PRR16: variants seen among roughly 807,000 people sequenced by gnomAD.
PRR16 encodes proline rich 16, also known as protein Largen.
PRR16 carries 6 observed loss-of-function variants against 18.2 expected under a neutral mutation model. The ratio of observed to expected loss-of-function variants is 0.33; its 90% confidence interval spans 0.18 to 0.65. The LOEUF (loss-of-function observed/expected upper bound fraction) is 0.65, where lower values mean the gene tolerates loss of function less well. Among genes scored for constraint, PRR16 ranks in the 30% least tolerant of loss-of-function variants. The pLI is 0.74. For synonymous variants in PRR16, 151 were observed against 147.8 expected, an observed-to-expected ratio of 1.02 and a Z score of -0.16; for missense variants, 412 against 376.6, an observed-to-expected ratio of 1.09 and a Z score of -0.78.
At chr5:120,757,128 TG>T in the PRR16 span, among the ~76,000 whole-genome samples, 6 of 152,070 alleles carry the variant, frequency 3.9e-5, no homozygotes, top group African/African-American at 7.2e-5. Flanking sequence ...CAGATGGCTG[TG>T]GGTTTGTGGC....
At chr5:120,639,279 C>T (rs1755344740) in intron 1 of PRR16, among the ~76,000 whole-genome samples, 1 of 151,720 alleles carries the variant, frequency 6.6e-6, no homozygotes, top group Admixed American at 6.6e-5. Context: ...TGAAAATACA[C>T]CTAAATTATA....
intron 1 of PRR16, among the ~76,000 whole-genome samples, chr5:120,620,224 T>C (rs1478992352): frequency 6.6e-6 from 1 of 152,142 alleles, no homozygotes. Context: ...AAATTAATCT[T>C]TAATTTATTT....
At chr5:120,722,178 A>G in the PRR16 span, among the ~76,000 whole-genome samples, 27 of 151,948 alleles carry the variant, frequency 1.8e-4, no homozygotes, top group Non-Finnish European at 3.5e-4. Context: ...GGCTTCATCC[A>G]TGTCCCTGCA....
the PRR16 span, among the ~76,000 whole-genome samples, chr5:120,784,146 G>T: frequency 2.6e-5 from 4 of 152,048 alleles, no homozygotes; most frequent in Admixed American, 2.0e-4. Context: ...CTTGGCTATT[G>T]TGAGTAGTGC....
At chr5:120,767,966 C>T in the PRR16 span, among the ~76,000 whole-genome samples, 2 of 151,748 alleles carry the variant, frequency 1.3e-5, no homozygotes, top group Non-Finnish European at 2.9e-5. Flanking sequence ...TAAAAGGGTA[C>T]AGTGTTTCTC....
At chr5:120,726,343 G>A in the PRR16 span, among the ~76,000 whole-genome samples, 1 of 151,940 alleles carries the variant, frequency 6.6e-6, no homozygotes, top group Non-Finnish European at 1.5e-5. Flanking sequence ...TGCAGCTGTG[G>A]GTAAACATTA....
the PRR16 span, among the ~76,000 whole-genome samples, chr5:120,733,782 A>C: frequency 6.6e-6 from 1 of 152,084 alleles, no homozygotes; most frequent in African/African-American, 2.4e-5. Flanking sequence ...AATTTTTGTA[A>C]TTTTTTATCA....
intron 1 of PRR16, among the ~76,000 whole-genome samples, chr5:120,665,632 G>C (rs910596141): frequency 1.3e-5 from 2 of 152,004 alleles, no homozygotes; most frequent in African/African-American, 2.4e-5. Context: ...ATTAATTTTT[G>C]TGTAAGGTGT....
At position 120,464,577 on chromosome 5, in the gene PRR16, A is replaced by C; in HGVS notation, c.91A>C (p.Lys31Gln). The C allele has an allele frequency of 6.3e-7, 1 of 1,587,754 alleles. No individual in the cohort carries two copies. The change falls in exon 1 of 2, where the codon AAG (lysine) becomes CAG (glutamine). Residue 31 changes from lysine (K) to glutamine (Q), a missense_variant. Transcript: ENST00000407149. ...CAAAACCAAGGTGAAGGAACAGATC[A>C]AGATCATCGTGGAGGATTTGGAATT... ...ASKTKVKEQI[K>Q]IIVEDLELVL... is the part of the protein sequence containing the mutation.
At chr5:120,684,433 C>T (rs1757059452) in intron 1 of PRR16, among the ~76,000 whole-genome samples, 1 of 152,098 alleles carries the variant, frequency 6.6e-6, no homozygotes, top group Non-Finnish European at 1.5e-5. Flanking sequence ...GACAAAGAGC[C>T]AACTTCACAG....
chr5:120,691,660 C>A (rs1177528650), downstream of PRR16, among the ~76,000 whole-genome samples: 1 of 152,140 alleles, frequency 6.6e-6, no homozygotes, highest in African/African-American at 2.4e-5. Flanking sequence ...AGCGTGCTTA[C>A]AACTCTCTCT....
the PRR16 span, among the ~76,000 whole-genome samples, chr5:120,724,782 A>G: frequency 6.6e-6 from 1 of 152,026 alleles, no homozygotes; most frequent in Non-Finnish European, 1.5e-5. Context: ...TTAAATTTCC[A>G]TGTAACTCAT....
At chr5:120,737,307 GTTTTTTTTTTTTTTT>G in the PRR16 span, among the ~76,000 whole-genome samples, 19 of 51,098 alleles carry the variant, frequency 3.7e-4, no homozygotes, top group African/African-American at 9.3e-4. Context: ...AGTTTGTTGA[GTTTTTTTTTTTTTTT>G]TTTTTTTTTT....
chr5:120,507,801 A>C (rs2112852433), intron 1 of PRR16, among the ~76,000 whole-genome samples: 1 of 152,218 alleles, frequency 6.6e-6, no homozygotes, highest in Admixed American at 6.6e-5. Context: ...GTCTTTAAAA[A>C]AAATTACTGT....
intron 1 of PRR16, among the ~76,000 whole-genome samples, chr5:120,549,510 A>T (rs1405425550): frequency 6.6e-6 from 1 of 151,846 alleles, no homozygotes; most frequent in Admixed American, 6.6e-5. Context: ...AAAATCTCAG[A>T]CTGGGTTGTA....
intron 1 of PRR16, among the ~76,000 whole-genome samples, chr5:120,485,780 C>A (rs181627036): frequency 6.6e-6 from 1 of 152,208 alleles, no homozygotes; most frequent in African/African-American, 2.4e-5. Context: ...GATATATCTC[C>A]CAGTGCTATC....
chr5:120,747,286 A>G, the PRR16 span, among the ~76,000 whole-genome samples: 7 of 152,164 alleles, frequency 4.6e-5, no homozygotes, highest in Non-Finnish European at 1.0e-4. Context: ...CTACTAGCCA[A>G]TTTACCTAGG....
the PRR16 span, among the ~76,000 whole-genome samples, chr5:120,728,324 C>CT: frequency 2.3e-5 from 2 of 87,892 alleles, no homozygotes; most frequent in East Asian, 8.7e-4. Context: ...TCAAAAATAA[C>CT]CTTTTTTTTT....
chr5:120,634,038 G>A (rs1373964619), intron 1 of PRR16, among the ~76,000 whole-genome samples: 4 of 152,030 alleles, frequency 2.6e-5, no homozygotes, highest in African/African-American at 9.7e-5. Flanking sequence ...CACAAAACAA[G>A]TCTCAGTAAA....
Sources: allele counts gnomAD v4.1 joint callset (sites outside exome capture counted in the v4.1 genomes callset), GRCh38; gene constraint gnomAD v4.1.1; transcripts MANE v1.5; gene names NCBI Gene and HGNC (gene_info 2026-07-23, HGNC 2026-07-21).